NRL: variants seen among roughly 807,000 people sequenced by gnomAD.
NRL encodes the protein neural retina-specific leucine zipper protein.
A neutral mutation model predicts 12.5 loss-of-function variants in NRL; 16 were observed. That is an observed-to-expected ratio of 1.28 (90% CI 0.87 to 1.95). NRL has a LOEUF of 1.95. Among genes scored for constraint, NRL ranks in the 30% most tolerant of loss-of-function variants. The pLI, the probability that NRL is intolerant of heterozygous loss-of-function variation, is 0.00. For synonymous variants in NRL, 142 were observed against 150.9 expected, an observed-to-expected ratio of 0.94 and a Z score of 0.43; for missense variants, 314 against 325.8, an observed-to-expected ratio of 0.96 and a Z score of 0.28.
chr14:24,113,906 C>T (rs1461148948), intron 1 of NRL, among the ~76,000 whole-genome samples: 4 of 152,248 alleles, frequency 2.6e-5, no homozygotes, highest in Non-Finnish European at 5.9e-5. Flanking sequence ...AAGTTCAGCT[C>T]GGACCCTGAG....
chr14:24,103,224 C>T, intron 1 of NRL: 1 of 1,614,020 alleles, frequency 6.2e-7, no homozygotes, highest in Non-Finnish European at 8.5e-7. Context: ...GCGCCATGCG[C>T]TCTGAGTCCA....
chr14:24,089,829 G>C (rs1310191097), intron 1 of NRL, among the ~76,000 whole-genome samples: 5 of 152,222 alleles, frequency 3.3e-5, no homozygotes, highest in South Asian at 2.1e-4. Flanking sequence ...GGTGTGGACA[G>C]GGTGGGAATT....
chr14:24,099,408 G>A, intron 1 of NRL: 1 of 986,348 alleles, frequency 1.0e-6, no homozygotes, highest in Non-Finnish European at 1.5e-6. Flanking sequence ...GGTTTCCCCT[G>A]CCACTAACCC....
chr14:24,099,950 A>T (rs1390969551), intron 1 of NRL: 1 of 1,613,938 alleles, frequency 6.2e-7, no homozygotes, highest in Non-Finnish European at 8.5e-7. Flanking sequence ...TTACATCTCA[A>T]GTTTTCCTTG....
intron 1 of NRL, among the ~76,000 whole-genome samples, chr14:24,087,705 C>T (rs1345827908): frequency 6.6e-6 from 1 of 152,210 alleles, no homozygotes; most frequent in Non-Finnish European, 1.5e-5. Flanking sequence ...AAGGCATTAG[C>T]GACCCCTCAG....
chr14:24,099,508 C>T (rs780441442), intron 1 of NRL: 2 of 1,523,084 alleles, frequency 1.3e-6, no homozygotes, highest in East Asian at 2.3e-5. Flanking sequence ...GCAGACCATG[C>T]CCTGACTTTT....
chr14:24,095,150 C>G (rs1434475585), intron 1 of NRL: 5 of 456,102 alleles, frequency 1.1e-5, no homozygotes, highest in South Asian at 7.7e-5. Context: ...CAGCTTTTGT[C>G]CCAGAGTCGG....
chr14:24,097,002 T>C, intron 1 of NRL: 1 of 1,613,788 alleles, frequency 6.2e-7, no homozygotes, highest in East Asian at 2.2e-5. Flanking sequence ...ATTCGAGATT[T>C]TGTAGAGCAC....
Position 24,085,286 on chromosome 14 carries a change from C to T in NRL, c.-27-2411G>A, listed in dbSNP as rs2138883591. 6.6e-6 allele frequency among the ~76,000 whole-genome samples: 1 copy of T among 152,330 alleles called. No individual in the cohort carries two copies. Among genetic ancestry groups the T allele is most frequent in the East Asian group, 1.9e-4 (1 of 5,188 alleles). On this transcript the variant is annotated intron_variant, in intron 1 of 2. Transcript: ENST00000561028. The surrounding 1 kb of genome is among the most constrained non-coding windows in gnomAD (Gnocchi z 4.1). ...AAGAGAACAGGGAACTCTGTTCCTT[C>T]CTTCTGGGCCTCAAGGGACATTGAA...
chr14:24,105,777 G>A (rs946219253), intron 1 of NRL, among the ~76,000 whole-genome samples: 1 of 152,198 alleles, frequency 6.6e-6, no homozygotes, highest in East Asian at 1.9e-4. Flanking sequence ...AATTAGCTGG[G>A]CATGATGGCA....
At chr14:24,103,329 C>A in intron 1 of NRL, 1 of 1,317,266 alleles carries the variant, frequency 7.6e-7, no homozygotes, top group Non-Finnish European at 1.1e-6. Flanking sequence ...TGAGCCAGAC[C>A]TTCCTTTTGT....
intron 1 of NRL, among the ~76,000 whole-genome samples, chr14:24,092,190 G>A (rs2036651279): frequency 6.6e-6 from 1 of 152,196 alleles, no homozygotes; most frequent in Admixed American, 6.5e-5. Flanking sequence ...TGTGGGGAGT[G>A]GCTTGGTAGG....
Position 24,114,818 on chromosome 14 carries a change from C to G in NRL, c.-124G>C, listed in dbSNP as rs2037501673. 1 of 985,960 alleles carries G rather than the reference C, an allele frequency of 1.0e-6. No homozygotes were observed. Among genetic ancestry groups the G allele is most frequent in the African/African-American group, 1.7e-5 (1 of 57,378 alleles). 61.1% of individuals were successfully genotyped at this position (985,960 alleles called of 1,614,324 possible). A position where few individuals can be genotyped will look rare whatever the true frequency, so the allele number is the denominator to read the frequency against. ...CCGCCGGCCAGGAAGCCGCGAGATG[C>G]GTGACGAGCGAAGCGCGTGACGGAG... On this transcript the variant is annotated 5_prime_UTR_variant, in exon 1 of 3. Coordinates refer to ENST00000561028, the MANE Select transcript of NRL (RefSeq NM_001354768.3).
At chr14:24,089,483 T>G (rs1012212109) in intron 1 of NRL, among the ~76,000 whole-genome samples, 1 of 152,136 alleles carries the variant, frequency 6.6e-6, no homozygotes, top group African/African-American at 2.4e-5. Context: ...TGGGCTCAAG[T>G]GATCCTCCAG....
rs1354076461 is a variant in NRL at position 24,114,869 on chromosome 14, C to T, written c.-175G>A. The T allele has an allele frequency of 1.0e-6, 1 of 985,822 alleles. No individual in the cohort carries two copies. Among genetic ancestry groups the T allele is most frequent in the Non-Finnish European group, 1.2e-6 (1 of 829,960 alleles). The allele number at this position is 985,822 out of a possible 1,614,324, so 61.1% of individuals were successfully genotyped here. A position where few individuals can be genotyped will look rare whatever the true frequency, so the allele number is the denominator to read the frequency against. ...GAGCGGTTGGCCAACGCAGTGGCGG[C>T]AGTCGGTGTAAACAAGGCCTCGCGC... On this transcript the variant is annotated 5_prime_UTR_variant, in exon 1 of 3. Coordinates refer to ENST00000561028, the MANE Select transcript of NRL (RefSeq NM_001354768.3).
chr14:24,101,995 G>A (rs915700440), intron 1 of NRL, among the ~76,000 whole-genome samples: 4 of 152,086 alleles, frequency 2.6e-5, no homozygotes, highest in African/African-American at 9.7e-5. Flanking sequence ...GGAGGCCAAG[G>A]TGGGCAGATC....
Position 24,094,847 on chromosome 14 carries a change from T to C in NRL, c.-27-11972A>G, listed in dbSNP as rs1180607251. 10 of 1,309,258 alleles carry C rather than the reference T, an allele frequency of 7.6e-6. No homozygotes were observed. The highest frequency in any genetic ancestry group is 1.0e-5 in the Non-Finnish European group (10 of 1,002,170). The allele number at this position is 1,309,258 out of a possible 1,614,324, so 81.1% of individuals were successfully genotyped here. A position where few individuals can be genotyped will look rare whatever the true frequency, so the allele number is the denominator to read the frequency against. On this transcript the variant is annotated intron_variant, in intron 1 of 2. Coordinates refer to ENST00000561028, the MANE Select transcript of NRL (RefSeq NM_001354768.3). The surrounding 1 kb of genome is among the most constrained non-coding windows in gnomAD (Gnocchi z 4.1). ...GGCAGCAGGGCCCTGGGGACAAGGGTACGTGAGCCCCGGGAGACTAAGCTC... is the reference window on the plus strand; with the variant it reads ...GGCAGCAGGGCCCTGGGGACAAGGGCACGTGAGCCCCGGGAGACTAAGCTC...
rs778972248 is a variant in NRL at position 24,079,643 on chromosome 14, G to C, written c.*1593C>G. Among the ~76,000 whole-genome samples the C allele has an allele frequency of 2.6e-5, 4 of 152,186 alleles. No homozygotes were observed. Among genetic ancestry groups the C allele is most frequent in the Non-Finnish European group, 2.9e-5 (2 of 67,966 alleles). ...TGGGAAGAGAAGAGACAGCTGGGGAGGGGGTGGAGAGAGGGGGTAGAAAGG... is the reference window on the plus strand; with the variant it reads ...TGGGAAGAGAAGAGACAGCTGGGGACGGGGTGGAGAGAGGGGGTAGAAAGG... On this transcript the variant is annotated 3_prime_UTR_variant, in exon 3 of 3. Transcript: ENST00000561028.
At chr14:24,095,664 C>T (rs994780285) in intron 1 of NRL, among the ~76,000 whole-genome samples, 18 of 152,176 alleles carry the variant, frequency 1.2e-4, no homozygotes, top group African/African-American at 4.3e-4. Flanking sequence ...TTCTGATGGG[C>T]GAGGCCTTGA....
Sources: gnomAD v4.1 joint callset for allele counts (sites outside exome capture counted in the v4.1 genomes callset) on GRCh38, gnomAD v4.1.1 for gene constraint, Gnocchi (gnomAD v3.1) non-coding constraint, MANE v1.5 for transcripts, NCBI Gene and HGNC (gene_info 2026-07-23, HGNC 2026-07-21) for gene names.